Variants in ABCG1 observed in about 807,000 individuals in gnomAD.
The protein encoded by ABCG1 is ATP binding cassette subfamily G member 1.
Under a neutral mutation model 69.2 loss-of-function variants are expected in ABCG1, and 29 were observed. That is an observed-to-expected ratio of 0.42 (90% confidence interval 0.31 to 0.57). The LOEUF (loss-of-function observed/expected upper bound fraction) is 0.57. Among genes scored for constraint, ABCG1 ranks in the 20% least tolerant of loss-of-function variants. The pLI is 0.15. For synonymous variants in ABCG1, 370 were observed against 374.8 expected (o/e 0.99, Z 0.15); for missense variants, 718 against 898.1 (o/e 0.80, Z 2.56).
chr21:42,217,760 C>T (rs936106282), upstream of ABCG1, among the ~76,000 whole-genome samples: 31 of 134,652 alleles, frequency 2.3e-4, no homozygotes, highest in Non-Finnish European at 2.9e-4. Flanking sequence ...GGCTCAATCT[C>T]GGCTCACTGC....
chr21:42,246,025 G>T (rs555278491), intron 2 of ABCG1, among the ~76,000 whole-genome samples: 1 of 152,204 alleles, frequency 6.6e-6, no homozygotes, highest in Admixed American at 6.5e-5. Flanking sequence ...GGGGGCAGGC[G>T]GGGGACATGG....
intron 10 of ABCG1, among the ~76,000 whole-genome samples, chr21:42,289,210 C>G (rs1212980232): frequency 6.6e-6 from 1 of 152,200 alleles, no homozygotes; most frequent in Non-Finnish European, 1.5e-5. Context: ...ATATTTGTGT[C>G]CTGCTTGTGT....
intron 2 of ABCG1, among the ~76,000 whole-genome samples, chr21:42,233,821 G>A (rs1204163349): frequency 1.3e-5 from 2 of 152,216 alleles, no homozygotes; most frequent in Non-Finnish European, 2.9e-5. Flanking sequence ...AACTGATAAG[G>A]GTGGAACCCG....
chr21:42,268,927 C>G (rs2068566521), intron 2 of ABCG1, among the ~76,000 whole-genome samples: 1 of 152,154 alleles, frequency 6.6e-6, no homozygotes, highest in African/African-American at 2.4e-5. Context: ...CCCAGTGAGC[C>G]CCAGCACTGA....
chr21:42,249,103 A>G (rs2068180686), intron 2 of ABCG1, among the ~76,000 whole-genome samples: 1 of 152,158 alleles, frequency 6.6e-6, no homozygotes, highest in Non-Finnish European at 1.5e-5. Flanking sequence ...AAAACATTCA[A>G]AAGTCACCAA....
At position 42,291,002 on chromosome 21, in the gene ABCG1, G is replaced by GC; in HGVS notation, c.1394-88dup. 1.1e-6 allele frequency: 1 copy of GC among 951,778 alleles called. No individual in the cohort carries two copies. Among genetic ancestry groups the GC allele is most frequent in the Non-Finnish European group, 1.7e-6 (1 of 601,162 alleles). 59.0% of individuals were successfully genotyped at this position (951,778 alleles called of 1,614,324 possible). ...GCCCTAGGCCAGAGCTGGGTTACCA[G>GC]CCGCTCAGCTCAAGATCGCCTGTTG... On this transcript the variant is annotated intron_variant, in intron 11 of 14. Transcript: ENST00000398449. The surrounding 1 kb of genome is among the most constrained non-coding windows in gnomAD (Gnocchi z 6.4).
At chr21:42,277,074 G>T in intron 5 of ABCG1, 129 bp downstream of exon 5, 1 of 976,042 alleles carries the variant, frequency 1.0e-6, no homozygotes, top group Admixed American at 2.0e-5. Context: ...CCTTCCGTGT[G>T]TGGGACAGGC....
chr21:42,231,898 C>T (rs932456636), intron 2 of ABCG1, among the ~76,000 whole-genome samples: 5 of 152,250 alleles, frequency 3.3e-5, no homozygotes, highest in African/African-American at 4.8e-5. Flanking sequence ...TGACAGCTGA[C>T]CCCTGGTGCA....
chr21:42,219,199 G>T lies in ABCG1; in HGVS notation c.-64G>T. On this transcript the variant is annotated 5_prime_UTR_variant, in exon 1 of 15. Transcript: ENST00000398449. This position sits in a 1 kb window ranked among gnomAD's most constrained non-coding sequence, Gnocchi z 5.3. ...CTGAGCCGGGAGCCAGCGCAGCCTC[G>T]GCCCCGCAGCTCAAGCCTCGTCCCC... The T allele has an allele frequency of 4.4e-6, 6 of 1,360,912 alleles. No individual in the cohort carries two copies. Among genetic ancestry groups the T allele is most frequent in the Non-Finnish European group, 5.7e-6 (6 of 1,052,630 alleles). The allele number at this position is 1,360,912 out of a possible 1,614,324, so 84.3% of individuals were successfully genotyped here. A position where few individuals can be genotyped will look rare whatever the true frequency, so the allele number is the denominator to read the frequency against.
upstream of ABCG1, among the ~76,000 whole-genome samples, chr21:42,215,393 C>A (rs547738275): frequency 6.6e-6 from 1 of 152,324 alleles, no homozygotes; most frequent in Admixed American, 6.5e-5. Flanking sequence ...AAATCAGACA[C>A]TTCTAAAATG....
At chr21:42,270,503 ATTAATAATATATTGATTAT>A (rs2068596702) in intron 2 of ABCG1, among the ~76,000 whole-genome samples, 1 of 152,052 alleles carries the variant, frequency 6.6e-6, no homozygotes, top group Admixed American at 6.6e-5. Context: ...TAATTAAGGG[ATTAATAATATATTGATTAT>A]TTAATCATAT....
At chr21:42,267,484 A>G (rs866988377) in intron 2 of ABCG1, among the ~76,000 whole-genome samples, 2,103 of 68,952 alleles carry the variant, frequency 0.03, no homozygotes, top group Middle Eastern at 0.057. Flanking sequence ...TCTGGGTCTG[A>G]TCTGGGTTCT....
chr21:42,268,707 C>T (rs1385885396), intron 2 of ABCG1, among the ~76,000 whole-genome samples: 2 of 152,154 alleles, frequency 1.3e-5, no homozygotes, highest in East Asian at 3.8e-4. Context: ...GTGGAGTGGA[C>T]CTCTGCAGCC....
chr21:42,296,930 C>A lies in ABCG1; in HGVS notation c.*538C>A, dbSNP rs1446598662. 1 of 162,276 alleles carries A rather than the reference C, an allele frequency of 6.2e-6. No individual in the cohort carries two copies. Among genetic ancestry groups the A allele is most frequent in the Non-Finnish European group, 1.4e-5 (1 of 72,624 alleles). 10.1% of individuals were successfully genotyped at this position (162,276 alleles called of 1,614,324 possible). A position where few individuals can be genotyped will look rare whatever the true frequency, so the allele number is the denominator to read the frequency against. On this transcript the variant is annotated 3_prime_UTR_variant, in exon 15 of 15. Coordinates refer to ENST00000398449, the MANE Select transcript of ABCG1 (RefSeq NM_016818.3). The surrounding 1 kb of genome is among the most constrained non-coding windows in gnomAD (Gnocchi z 5.4). ...TTTTGCAAGCCAAAAGTCGATCAAT[C>A]GCATTCATTTTAAGAAATTATACCT...
upstream of ABCG1, among the ~76,000 whole-genome samples, chr21:42,218,324 C>T (rs1056453141): frequency 4.6e-5 from 7 of 152,266 alleles, no homozygotes; most frequent in South Asian, 1.2e-3. Context: ...CAGGAAATGG[C>T]CCCACTTATA....
At chr21:42,289,999 GC>G in intron 10 of ABCG1, 50 bp from the exon 11 acceptor site, 1 of 1,612,488 alleles carries the variant, frequency 6.2e-7, no homozygotes, top group Non-Finnish European at 8.5e-7. Flanking sequence ...TGTTCTCTGA[GC>G]CGAGGACGGC....
intron 5 of ABCG1, among the ~76,000 whole-genome samples, chr21:42,279,216 G>A (rs2068762856): frequency 6.6e-6 from 1 of 152,218 alleles, no homozygotes; most frequent in African/African-American, 2.4e-5. Flanking sequence ...GGTGGAAGTG[G>A]TCACTGATGC....
At chr21:42,226,522 G>T (rs2067819499) in intron 2 of ABCG1, among the ~76,000 whole-genome samples, 1 of 152,248 alleles carries the variant, frequency 6.6e-6, no homozygotes. Flanking sequence ...CCACTAGCTT[G>T]TTGCATGTTA....
rs4148121 is a variant in ABCG1, at chr21:42,255,724, T to C, written c.287-15346T>C. ...AACTCATTGTTTCTCCTGGTTTTGTTTGTGTTGACTTTCCCTTTAATCCAT... is the reference window on the plus strand; with the variant it reads ...AACTCATTGTTTCTCCTGGTTTTGTCTGTGTTGACTTTCCCTTTAATCCAT... On this transcript the variant is annotated intron_variant, in intron 2 of 14. Coordinates refer to ENST00000398449, the MANE Select transcript of ABCG1 (RefSeq NM_016818.3). 6.9e-3 allele frequency among the ~76,000 whole-genome samples: 1,055 copies of C among 152,290 alleles called. 6 individuals are homozygous for C. The highest frequency in any genetic ancestry group is 0.017 in the Middle Eastern group (5 of 294).
Sources: gnomAD v4.1 joint callset for allele counts (sites outside exome capture counted in the v4.1 genomes callset) on GRCh38, gnomAD v4.1.1 for gene constraint, Gnocchi (gnomAD v3.1) non-coding constraint, MANE v1.5 for transcripts, NCBI Gene and HGNC (gene_info 2026-07-23, HGNC 2026-07-21) for gene names.